Variants in STON2 observed in about 807,000 individuals in gnomAD.
The protein encoded by STON2 is stonin 2.
STON2 carries 29 observed loss-of-function variants against 65.7 expected under a neutral mutation model. The ratio of observed to expected loss-of-function variants is 0.44; its 90% CI spans 0.33 to 0.60. The LOEUF is 0.60. STON2 is among the 20% of genes least tolerant of loss of function. The probability of loss-of-function intolerance (pLI) is 0.03; values close to 1 mark genes in which losing one functional copy is unlikely to be tolerated. For synonymous variants in STON2, 404 were observed against 414.2 expected (o/e 0.98, Z 0.30); for missense variants, 1,054 against 1,118.1 (o/e 0.94, Z 0.82).
chr14:81,262,130 T>C lies in STON2; in HGVS notation c.*6284A>G. On this transcript the variant is annotated 3_prime_UTR_variant, in exon 8 of 8. Coordinates refer to ENST00000614646, the MANE Select transcript of STON2 (RefSeq NM_001394390.1). ...AGCTGGAAAGGACTTGAAGAAACAA[T>C]TAATCCAACTTCCTCACTTTTTTGT... 1 of 985,258 alleles carries C rather than the reference T, an allele frequency of 1.0e-6. No homozygotes were observed. Among genetic ancestry groups the C allele is most frequent in the Non-Finnish European group, 1.2e-6 (1 of 829,786 alleles). 61.0% of individuals were successfully genotyped at this position (985,258 alleles called of 1,614,324 possible). A position where few individuals can be genotyped will look rare whatever the true frequency, so the allele number is the denominator to read the frequency against.
intron 4 of STON2, among the ~76,000 whole-genome samples, chr14:81,348,376 G>A (rs566259572): frequency 1.2e-4 from 19 of 152,142 alleles, no homozygotes; most frequent in South Asian, 1.2e-3. Flanking sequence ...AAATACCACT[G>A]AAAAACTCTG....
intron 6 of STON2, among the ~76,000 whole-genome samples, chr14:81,271,148 A>G (rs1894575125): frequency 6.6e-6 from 1 of 152,182 alleles, no homozygotes; most frequent in South Asian, 2.1e-4. Context: ...TGCCTGCTCA[A>G]GTGAGAGTGA....
chr14:81,278,901 A>C, intron 5 of STON2, 162 bp from the exon 6 acceptor site: 17 of 523,042 alleles, frequency 3.3e-5, no homozygotes, highest in East Asian at 6.1e-5. Flanking sequence ...CATAGATCTC[A>C]CAATTCTGTA....
intron 3 of STON2, among the ~76,000 whole-genome samples, chr14:81,378,633 C>T (rs562925783): frequency 7.2e-5 from 11 of 152,310 alleles, no homozygotes; most frequent in African/African-American, 2.6e-4. Context: ...TTTAATGCTA[C>T]ACATATATTT....
intron 5 of STON2, among the ~76,000 whole-genome samples, chr14:81,283,762 C>T (rs1895224310): frequency 6.6e-6 from 1 of 152,156 alleles, no homozygotes; most frequent in Non-Finnish European, 1.5e-5. Context: ...ATCTCCTGAC[C>T]TCATGATCCG....
chr14:81,270,921 G>A (rs764026435), intron 6 of STON2, 49 bp from the exon 7 acceptor site: 3 of 1,586,100 alleles, frequency 1.9e-6, no homozygotes, highest in African/African-American at 1.3e-5. Flanking sequence ...GGAGAAAGTG[G>A]AAGGAGCAGC....
intron 2 of STON2, among the ~76,000 whole-genome samples, chr14:81,397,485 C>A (rs907819763): frequency 2.6e-5 from 4 of 152,132 alleles, no homozygotes; most frequent in African/African-American, 7.2e-5. Context: ...ATGCTTACAG[C>A]ACATCCCAAT....
At chr14:81,390,087 C>CT (rs74983421) in intron 3 of STON2, among the ~76,000 whole-genome samples, 86,922 of 151,688 alleles carry the variant, frequency 0.57, 26,916 homozygotes, top group African/African-American at 0.8. Flanking sequence ...TGGCACACGC[C>CT]GTAATCCCAG....
intron 3 of STON2, among the ~76,000 whole-genome samples, chr14:81,376,988 T>C (rs1899281534): frequency 6.6e-6 from 1 of 152,166 alleles, no homozygotes; most frequent in African/African-American, 2.4e-5. Flanking sequence ...CCAATCTTAT[T>C]CATATTTCCC....
chr14:81,289,163 G>GC (rs781307386), intron 5 of STON2, among the ~76,000 whole-genome samples: 1 of 152,160 alleles, frequency 6.6e-6, no homozygotes, highest in Non-Finnish European at 1.5e-5. Context: ...TTAGTGAAGG[G>GC]CTAGGCTGTA....
At chr14:81,347,673 A>G (rs1223307579) in intron 4 of STON2, among the ~76,000 whole-genome samples, 3 of 149,564 alleles carry the variant, frequency 2.0e-5, no homozygotes, top group African/African-American at 7.3e-5. Flanking sequence ...ACATAGATGC[A>G]AAGATCCTCA....
At position 81,263,683 on chromosome 14, in the gene STON2, A is replaced by C; in HGVS notation, c.*4731T>G. The C allele has an allele frequency of 6.1e-6, 6 of 977,430 alleles. No homozygotes were observed. The highest frequency in any genetic ancestry group is 7.3e-6 in the Non-Finnish European group (6 of 822,854). 60.5% of individuals were successfully genotyped at this position (977,430 alleles called of 1,614,324 possible). A position where few individuals can be genotyped will look rare whatever the true frequency, so the allele number is the denominator to read the frequency against. Reference sequence around the variant, plus strand: ...TGGCCCAGGGAAGCCAAAAGATTGGACCTCCCTGACTAAGGTCTAGATATG... The same window carrying C: ...TGGCCCAGGGAAGCCAAAAGATTGGCCCTCCCTGACTAAGGTCTAGATATG... On this transcript the variant is annotated 3_prime_UTR_variant, in exon 8 of 8. Transcript: ENST00000614646.
chr14:81,308,824 ATG>A (rs1210133523), intron 5 of STON2, among the ~76,000 whole-genome samples: 741 of 9,742 alleles, frequency 0.076, 16 homozygotes, highest in East Asian at 0.13. Flanking sequence ...ATATATATAT[ATG>A]TGTGTGTGTG....
At chr14:81,348,379 A>G (rs536450510) in intron 4 of STON2, among the ~76,000 whole-genome samples, 1 of 152,264 alleles carries the variant, frequency 6.6e-6, no homozygotes, top group South Asian at 2.1e-4. Flanking sequence ...TACCACTGAA[A>G]AACTCTGAGA....
At chr14:81,415,332 G>A (rs970227712) in intron 2 of STON2, among the ~76,000 whole-genome samples, 2 of 151,918 alleles carry the variant, frequency 1.3e-5, no homozygotes, top group African/African-American at 4.8e-5. Context: ...GTTAAGTAAC[G>A]TGCTCAAGGT....
chr14:81,277,790 T>C lies in STON2; in HGVS notation c.1692A>G (p.Lys564=). The C allele has an allele frequency of 1.9e-6, 3 of 1,614,192 alleles. No homozygotes were observed. The highest frequency in any genetic ancestry group is 1.3e-5 in the African/African-American group (1 of 75,044). Residue 564 remains lysine (K), a synonymous_variant, in exon 6 of 8, where the codon AAA becomes AAG. Transcript: ENST00000614646. ...HSLRIDRVTY[K]EKKKYQPKPA... is the part of the protein sequence containing the mutation. The stretch of plus-strand genomic sequence containing the variant: ...GTTTGGGCTGGTATTTCTTCTTCTC[T>C]TTATAGGTGACACGGTCTATCCGCA...
chr14:81,277,629 G>C lies in STON2; in HGVS notation c.1853C>G (p.Thr618Arg). ...CTCTTCAAGGTAGTTGAGGCCAACTGTGCTCAAGTCCATTGACAACACTGG... is the reference window on the plus strand; with the variant it reads ...CTCTTCAAGGTAGTTGAGGCCAACTCTGCTCAAGTCCATTGACAACACTGG... The part of the protein sequence containing the change: ...DLPVLSMDLS[T>R]VGLNYLEEEI... The change falls in exon 6 of 8, where the codon ACA becomes AGA. Residue 618 changes from threonine to arginine, a missense_variant. Thr to Arg is a moderately conservative substitution (Grantham distance 71, BLOSUM62 -1). Coordinates refer to ENST00000614646, the MANE Select transcript of STON2 (RefSeq NM_001394390.1). 6.2e-7 allele frequency: 1 copy of C among 1,614,146 alleles called. No homozygotes were observed. The highest frequency in any genetic ancestry group is 1.3e-5 in the African/African-American group (1 of 75,024).
intron 4 of STON2, among the ~76,000 whole-genome samples, chr14:81,362,160 T>A (rs115003665): frequency 0.012 from 1,823 of 152,304 alleles, 41 homozygotes; most frequent in African/African-American, 0.041. Flanking sequence ...GAAATCAGTA[T>A]GCCAAAGAGA....
At chr14:81,324,834 T>G (rs1027088121) in intron 4 of STON2, among the ~76,000 whole-genome samples, 1 of 152,198 alleles carries the variant, frequency 6.6e-6, no homozygotes, top group African/African-American at 2.4e-5. Flanking sequence ...GATAATAACT[T>G]GTTGGTTTGG....
Sources: gnomAD v4.1 joint callset for allele counts (sites outside exome capture counted in the v4.1 genomes callset) on GRCh38, gnomAD v4.1.1 for gene constraint, MANE v1.5 for transcripts, NCBI Gene and HGNC (gene_info 2026-07-23, HGNC 2026-07-21) for gene names.